The following OLA1 variants were observed in gnomAD, a reference collection of about 807,000 sequenced individuals.
OLA1 encodes the protein Obg like ATPase 1, also known as obg-like ATPase 1.
In OLA1, 14 loss-of-function variants were observed where a neutral mutation model predicts 48.4. The observed-to-expected ratio is 0.29, with a 90% CI of 0.19 to 0.45. The LOEUF is 0.45. Ranked by LOEUF, OLA1 falls within the 20% of genes least tolerant of loss-of-function variation. The probability of loss-of-function intolerance (pLI) is 1.00; values close to 1 mark genes in which losing one functional copy is unlikely to be tolerated. For synonymous variants in OLA1, 127 were observed against 150.4 expected (o/e 0.84, Z 1.14); for missense variants, 325 against 467.1 (o/e 0.70, Z 2.80).
intron 7 of OLA1, among the ~76,000 whole-genome samples, chr2:174,097,087 C>A (rs956369078): frequency 6.6e-6 from 1 of 151,950 alleles, no homozygotes; most frequent in Non-Finnish European, 1.5e-5. Flanking sequence ...AACCGGAAAG[C>A]GAAGGTTGCA....
At chr2:174,160,902 C>T (rs145064122) in intron 4 of OLA1, among the ~76,000 whole-genome samples, 1 of 152,144 alleles carries the variant, frequency 6.6e-6, no homozygotes, top group African/African-American at 2.4e-5. Context: ...GATTTGCAAC[C>T]CTCTTGATGA....
At chr2:174,229,580 A>G in intron 2 of OLA1, 129 bp from the exon 3 acceptor site, 1 of 657,918 alleles carries the variant, frequency 1.5e-6, no homozygotes, top group Non-Finnish European at 2.6e-6. Flanking sequence ...AGAGGGAAAA[A>G]GGAACAATAC....
chr2:174,237,335 T>C (rs1188969725), intron 2 of OLA1, among the ~76,000 whole-genome samples: 1 of 152,146 alleles, frequency 6.6e-6, no homozygotes, highest in Non-Finnish European at 1.5e-5. Context: ...CATGGAGCTG[T>C]CATCTCCTAT....
intron 3 of OLA1, among the ~76,000 whole-genome samples, chr2:174,224,718 A>C (rs893382619): frequency 1.3e-5 from 2 of 152,194 alleles, no homozygotes; most frequent in African/African-American, 4.8e-5. Flanking sequence ...TCTAGAAGCA[A>C]TCCCGTTTCA....
At chr2:174,230,987 G>A (rs1177099052) in intron 2 of OLA1, among the ~76,000 whole-genome samples, 1 of 152,224 alleles carries the variant, frequency 6.6e-6, no homozygotes, top group Non-Finnish European at 1.5e-5. Flanking sequence ...CAAGGATCCA[G>A]ACTTTATACA....
intron 4 of OLA1, among the ~76,000 whole-genome samples, chr2:174,162,698 T>C (rs191923155): frequency 1.3e-5 from 2 of 152,248 alleles, no homozygotes; most frequent in East Asian, 3.9e-4. Context: ...TTGTGAAAAA[T>C]AGACTTTTAA....
At chr2:174,106,780 A>G (rs1243346607) in intron 7 of OLA1, among the ~76,000 whole-genome samples, 1 of 152,180 alleles carries the variant, frequency 6.6e-6, no homozygotes, top group Non-Finnish European at 1.5e-5. Context: ...GCACTGGTGC[A>G]TCAACTAATC....
At chr2:174,245,539 C>T (rs1193849416) in intron 2 of OLA1, among the ~76,000 whole-genome samples, 1 of 152,214 alleles carries the variant, frequency 6.6e-6, no homozygotes, top group Non-Finnish European at 1.5e-5. Flanking sequence ...CCTATTAGTA[C>T]ACCCTAATCA....
intron 4 of OLA1, among the ~76,000 whole-genome samples, chr2:174,146,915 C>T (rs1200955407): frequency 1.3e-5 from 2 of 152,142 alleles, no homozygotes; most frequent in Non-Finnish European, 2.9e-5. Context: ...TCCTATCAGT[C>T]AAGAAGGTGG....
intron 4 of OLA1, among the ~76,000 whole-genome samples, chr2:174,192,963 C>G (rs66702896): frequency 1.3e-5 from 2 of 152,074 alleles, no homozygotes. Context: ...TACATGTCCA[C>G]GTGTGTAAGC....
intron 2 of OLA1, 73 bp downstream of exon 2, chr2:174,246,642 C>A (rs540941240): frequency 8.4e-6 from 8 of 955,332 alleles, no homozygotes; most frequent in Non-Finnish European, 1.3e-5. Flanking sequence ...AATTACCTCA[C>A]GGTTCCCATT....
intron 1 of OLA1, chr2:174,247,933 G>A: frequency 1.1e-6 from 1 of 906,738 alleles, no homozygotes. Flanking sequence ...CTCAGAAGCT[G>A]GGAACTAAAA....
At position 174,074,218 on chromosome 2, in the gene OLA1, A is replaced by G. The variant is rs1435662260; in HGVS notation, c.*1208T>C. ...GGGTATGAATCTGCATTCCATGGAA[A>G]TGGTCCTGTGATCACAGAAGAGCAC... is the stretch of plus-strand genomic sequence containing the variant. On this transcript the variant is annotated 3_prime_UTR_variant, in exon 11 of 11. Coordinates refer to ENST00000284719, the MANE Select transcript of OLA1 (RefSeq NM_013341.5). 6.6e-6 allele frequency: 1 copy of G among 152,178 alleles called. No homozygotes were observed. Among genetic ancestry groups the G allele is most frequent in the African/African-American group, 2.4e-5 (1 of 41,438 alleles). 9.4% of individuals were successfully genotyped at this position (152,178 alleles called of 1,614,324 possible).
At chr2:174,151,482 T>C (rs1164464160) in intron 4 of OLA1, among the ~76,000 whole-genome samples, 3 of 152,228 alleles carry the variant, frequency 2.0e-5, no homozygotes, top group Non-Finnish European at 2.9e-5. Flanking sequence ...TGAGTATTTA[T>C]ATTCTAATCC....
intron 4 of OLA1, among the ~76,000 whole-genome samples, chr2:174,203,934 A>G (rs1688049344): frequency 6.6e-6 from 1 of 151,552 alleles, no homozygotes; most frequent in African/African-American, 2.4e-5. Context: ...AACTGGGATT[A>G]CAGGTGTGCA....
intron 4 of OLA1, among the ~76,000 whole-genome samples, chr2:174,214,462 C>T (rs1026955062): frequency 2.0e-5 from 3 of 152,116 alleles, no homozygotes; most frequent in African/African-American, 7.2e-5. Flanking sequence ...ATATCTTAAC[C>T]TAAGATCCTG....
intron 7 of OLA1, 27 bp downstream of exon 7, chr2:174,123,153 G>C: frequency 9.8e-7 from 1 of 1,016,122 alleles, no homozygotes; most frequent in Non-Finnish European, 1.6e-6. Flanking sequence ...TGATGCATCT[G>C]GGTATATCTG....
rs1469417967 is a variant in OLA1, at chr2:174,072,958, A to C, written c.*2468T>G. 2 of 152,186 alleles carry C rather than the reference A, an allele frequency of 1.3e-5. No individual in the cohort carries two copies. Among genetic ancestry groups the C allele is most frequent in the Non-Finnish European group, 2.9e-5 (2 of 68,082 alleles). The allele number at this position is 152,186 out of a possible 1,614,324, so 9.4% of individuals were successfully genotyped here. On this transcript the variant is annotated 3_prime_UTR_variant, in exon 11 of 11. Transcript: ENST00000284719. ...CTAAATGCTATTACAATCTTTCTTC[A>C]AGCTTTGGGCACAAGCCTTCTCAAG...
intron 4 of OLA1, among the ~76,000 whole-genome samples, chr2:174,163,758 ATATATAT>A (rs1687084806): frequency 5.4e-5 from 2 of 37,234 alleles, no homozygotes; most frequent in African/African-American, 2.1e-4. Context: ...ATATATATAT[ATATATAT>A]ATATATATAT....
Sources: gnomAD v4.1 joint callset for allele counts (sites outside exome capture counted in the v4.1 genomes callset) on GRCh38, gnomAD v4.1.1 for gene constraint, MANE v1.5 for transcripts, NCBI Gene and HGNC (gene_info 2026-07-23, HGNC 2026-07-21) for gene names.